EPHB2: variants seen among roughly 807,000 people sequenced by gnomAD.
EPHB2 encodes ephrin type-B receptor 2.
In EPHB2, 18 loss-of-function variants were observed where a neutral mutation model predicts 96.4. The ratio of observed to expected loss-of-function variants is 0.19; its 90% CI spans 0.13 to 0.28. The LOEUF (loss-of-function observed/expected upper bound fraction) is 0.28. EPHB2 is among the 10% of genes least tolerant of loss of function. The pLI is 1.00. For synonymous variants in EPHB2, 506 were observed against 534.1 expected (o/e 0.95, Z 0.72); for missense variants, 989 against 1,355.4 (o/e 0.73, Z 4.25).
intron 3 of EPHB2, among the ~76,000 whole-genome samples, chr1:22,788,518 G>A (rs546534725): frequency 4.6e-4 from 70 of 152,348 alleles, no homozygotes; most frequent in Non-Finnish European, 7.2e-4. Context: ...GGAGCAGGAC[G>A]TGCAGGAATG....
intron 9 of EPHB2, among the ~76,000 whole-genome samples, chr1:22,897,838 G>A (rs1004394415): frequency 5.3e-5 from 8 of 151,674 alleles, no homozygotes; most frequent in Non-Finnish European, 1.2e-4. Flanking sequence ...AGTGGCTCAC[G>A]CCTGTAATCC....
chr1:22,826,093 A>G (rs1188645058), intron 3 of EPHB2, among the ~76,000 whole-genome samples: 1 of 152,180 alleles, frequency 6.6e-6, no homozygotes, highest in Non-Finnish European at 1.5e-5. Context: ...GATTCTGAGC[A>G]GGAGAGTAGC....
intron 3 of EPHB2, among the ~76,000 whole-genome samples, chr1:22,789,119 G>A (rs561153745): frequency 6.6e-6 from 1 of 152,138 alleles, no homozygotes; most frequent in Non-Finnish European, 1.5e-5. Context: ...TCAGACGCAC[G>A]ATGTGATAAC....
chr1:22,893,897 A>T (rs549180253), intron 7 of EPHB2, among the ~76,000 whole-genome samples: 52 of 152,212 alleles, frequency 3.4e-4, no homozygotes, highest in African/African-American at 1.3e-3. Context: ...AGCCAGTCAA[A>T]CTCCAGGGTG....
intron 1 of EPHB2, among the ~76,000 whole-genome samples, chr1:22,771,145 G>A (rs1214240461): frequency 1.3e-5 from 2 of 152,164 alleles, no homozygotes; most frequent in African/African-American, 4.8e-5. Flanking sequence ...GGTTTTAATA[G>A]AGAGGCTGGT....
intron 8 of EPHB2, 51 bp from the exon 9 acceptor site, chr1:22,896,363 G>A: frequency 1.2e-6 from 2 of 1,613,260 alleles, no homozygotes; most frequent in East Asian, 2.2e-5. Flanking sequence ...GTGGCTCCCA[G>A]CTCCCTGGGC....
At chr1:22,817,448 G>A (rs952829660) in intron 3 of EPHB2, among the ~76,000 whole-genome samples, 1 of 152,192 alleles carries the variant, frequency 6.6e-6, no homozygotes, top group Admixed American at 6.5e-5. Flanking sequence ...CCTGCTGCTG[G>A]GATAGTCTGC....
chr1:22,738,439 A>G (rs1037638833), intron 1 of EPHB2, among the ~76,000 whole-genome samples: 1 of 152,234 alleles, frequency 6.6e-6, no homozygotes, highest in Admixed American at 6.5e-5. Context: ...CTGTACCCAT[A>G]GGAGCTTCCT....
intron 1 of EPHB2, among the ~76,000 whole-genome samples, chr1:22,741,690 A>AAAAAAAAAAAC (rs1287637661): frequency 2.2e-5 from 3 of 133,706 alleles, no homozygotes; most frequent in East Asian, 2.3e-4. Flanking sequence ...AAAAAAAAAC[A>AAAAAAAAAAAC]AAAAAACAAA....
At chr1:22,833,008 C>T (rs962956322) in intron 3 of EPHB2, among the ~76,000 whole-genome samples, 1 of 151,522 alleles carries the variant, frequency 6.6e-6, no homozygotes, top group Non-Finnish European at 1.5e-5. Flanking sequence ...CATCCCCCCA[C>T]CCCCATATAA....
intron 5 of EPHB2, among the ~76,000 whole-genome samples, chr1:22,868,925 C>T (rs1185762163): frequency 6.6e-6 from 1 of 152,154 alleles, no homozygotes; most frequent in Non-Finnish European, 1.5e-5. Flanking sequence ...ACAGATTTCT[C>T]TCTACCCCAG....
intron 6 of EPHB2, among the ~76,000 whole-genome samples, chr1:22,891,798 G>T (rs2869057): frequency 0.45 from 67,132 of 148,160 alleles, 15,846 homozygotes; most frequent in Admixed American, 0.52. Context: ...TTTTTTTGTT[G>T]TTGTTGTATT....
At chr1:22,893,422 G>C (rs2148567538) in intron 7 of EPHB2, among the ~76,000 whole-genome samples, 1 of 152,254 alleles carries the variant, frequency 6.6e-6, no homozygotes, top group East Asian at 1.9e-4. Flanking sequence ...ACTTACAACT[G>C]GACTGAGAAG....
At chr1:22,877,262 T>G (rs1638869361) in intron 5 of EPHB2, among the ~76,000 whole-genome samples, 1 of 152,202 alleles carries the variant, frequency 6.6e-6, no homozygotes, top group Non-Finnish European at 1.5e-5. Context: ...CACACTTCCG[T>G]GCGTCCATGT....
intron 1 of EPHB2, among the ~76,000 whole-genome samples, chr1:22,772,680 C>T (rs1332218637): frequency 6.6e-6 from 1 of 152,194 alleles, no homozygotes; most frequent in African/African-American, 2.4e-5. Context: ...CTCAGTCAGG[C>T]TGGCCTGGGT....
chr1:22,819,205 G>GTCTCTC (rs71020453), intron 3 of EPHB2, among the ~76,000 whole-genome samples: 10,661 of 103,272 alleles, frequency 0.1, 1,095 homozygotes, highest in South Asian at 0.13. Context: ...CCCAGCAGAT[G>GTCTCTC]TCTCTCTCTC....
In EPHB2 at chr1:22,797,149, G is replaced by A. The variant is rs546232354; in HGVS notation, c.811+12073G>A. On this transcript the variant is annotated intron_variant, in intron 3 of 15. Transcript: ENST00000374630. ...GCTAGAAAGGGTCAGAGCTGGGACT[G>A]GAACGGGGGTCACCGGGTTGGTTTG... 4.0e-4 allele frequency among the ~76,000 whole-genome samples: 61 copies of A among 152,308 alleles called. 1 individual carries two copies. Among genetic ancestry groups the A allele is most frequent in the Non-Finnish European group, 4.7e-4 (32 of 68,028 alleles).
intron 3 of EPHB2, among the ~76,000 whole-genome samples, chr1:22,830,211 G>A (rs1645284156): frequency 6.6e-6 from 1 of 152,202 alleles, no homozygotes; most frequent in Non-Finnish European, 1.5e-5. Flanking sequence ...GCACTGAGGG[G>A]TGCTGGCTGC....
chr1:22,780,037 C>T (rs866523538), intron 1 of EPHB2, among the ~76,000 whole-genome samples: 3 of 152,224 alleles, frequency 2.0e-5, no homozygotes, highest in Non-Finnish European at 4.4e-5. Context: ...ATGGTAGGGT[C>T]TTGCTAGCCA....
Sources: gnomAD v4.1 joint callset for allele counts (sites outside exome capture counted in the v4.1 genomes callset) on GRCh38, gnomAD v4.1.1 for gene constraint, MANE v1.5 for transcripts, NCBI Gene and HGNC (gene_info 2026-07-23, HGNC 2026-07-21) for gene names.